The following IKZF1 variants were observed in gnomAD, a reference collection of about 807,000 sequenced individuals.
IKZF1 encodes DNA-binding protein Ikaros.
IKZF1 carries 10 observed loss-of-function variants against 51.7 expected under a neutral mutation model. That is an observed-to-expected ratio of 0.19 (90% confidence interval 0.12 to 0.33). IKZF1 has a LOEUF of 0.33. Ranked by LOEUF, IKZF1 falls within the 10% of genes least tolerant of loss-of-function variation. The pLI, the probability that IKZF1 is intolerant of heterozygous loss-of-function variation, is 1.00. For missense variants in IKZF1, 484 were observed against 707.5 expected, an observed-to-expected ratio of 0.68 and a Z score of 3.58; for synonymous variants, 280 against 282.3, an observed-to-expected ratio of 0.99 and a Z score of 0.08.
At chr7:50,387,213 C>T (rs1289040954) in intron 5 of IKZF1, 132 bp from the exon 6 acceptor site, 15 of 1,279,172 alleles carry the variant, frequency 1.2e-5, no homozygotes, top group Admixed American at 3.5e-5. Flanking sequence ...TCACCAAGTC[C>T]GTAACAGTTT....
At chr7:50,386,654 CATAAA>C (rs1313562325) in intron 5 of IKZF1, among the ~76,000 whole-genome samples, 5 of 151,502 alleles carry the variant, frequency 3.3e-5, no homozygotes, top group Non-Finnish European at 7.4e-5. Context: ...TATACATATA[CATAAA>C]ATAGAAATAC....
chr7:50,363,901 C>T lies in IKZF1; in HGVS notation c.161-12632C>T, dbSNP rs528633397. On this transcript the variant is annotated intron_variant, in intron 3 of 7. Transcript: ENST00000331340. ...CTAGCTCAGTCACCGGGTCAGGAAG[C>T]CCTGCCATGAAATGCTAGATTTGGA... Among the ~76,000 whole-genome samples, 34 of 152,302 alleles carry T rather than the reference C, an allele frequency of 2.2e-4. 1 individual carries two copies. The South Asian group carries it at 7.1e-3, about 32-fold the overall frequency.
intron 7 of IKZF1, among the ~76,000 whole-genome samples, chr7:50,393,014 A>G (rs1026318921): frequency 6.6e-6 from 1 of 152,218 alleles, no homozygotes; most frequent in African/African-American, 2.4e-5. Context: ...GGGACCCTTC[A>G]TTCAGTCAGC....
chr7:50,364,198 T>A lies in IKZF1; in HGVS notation c.161-12335T>A, dbSNP rs138433843. ...AAGTAGGTTTAGCCTCTCCCCAGAG[T>A]GACAACGGCACAAGAAGTTTATAAT... is the stretch of plus-strand genomic sequence containing the variant. On this transcript the variant is annotated intron_variant, in intron 3 of 7. Coordinates refer to ENST00000331340, the MANE Select transcript of IKZF1 (RefSeq NM_006060.6). Among the ~76,000 whole-genome samples the A allele has an allele frequency of 8.0e-3, 1,218 of 152,282 alleles. 5 individuals are homozygous for A. The highest frequency in any genetic ancestry group is 0.017 in the Middle Eastern group (5 of 294).
At chr7:50,342,647 CTTTT>C (rs1270027408) in intron 3 of IKZF1, among the ~76,000 whole-genome samples, 1 of 137,698 alleles carries the variant, frequency 7.3e-6, no homozygotes, top group South Asian at 2.3e-4. Context: ...GAAGGAAAGG[CTTTT>C]TTTTTTTTTT....
At chr7:50,322,259 T>C (rs953238798) in intron 2 of IKZF1, among the ~76,000 whole-genome samples, 5 of 152,240 alleles carry the variant, frequency 3.3e-5, no homozygotes, top group East Asian at 1.9e-4. Flanking sequence ...GATTATGTTA[T>C]AGATTATAAG....
rs1200839962 is a variant in IKZF1, at chr7:50,402,474, C to T, written c.*1847C>T. ...AACTCTCCAGACATCACCAACTGTCCCCTGCGAGGAGAAATCACTCCTGGG... is the reference window on the plus strand; with the variant it reads ...AACTCTCCAGACATCACCAACTGTCTCCTGCGAGGAGAAATCACTCCTGGG... On this transcript the variant is annotated 3_prime_UTR_variant, in exon 8 of 8. Coordinates refer to ENST00000331340, the MANE Select transcript of IKZF1 (RefSeq NM_006060.6). The T allele has an allele frequency of 3.0e-5, 7 of 231,300 alleles. No individual in the cohort carries two copies. Among genetic ancestry groups the T allele is most frequent in the Non-Finnish European group, 6.0e-5 (7 of 116,908 alleles). The allele number at this position is 231,300 out of a possible 1,614,324, so 14.3% of individuals were successfully genotyped here.
intron 3 of IKZF1, among the ~76,000 whole-genome samples, chr7:50,337,739 C>T (rs1156600701): frequency 6.6e-6 from 1 of 152,102 alleles, no homozygotes; most frequent in Non-Finnish European, 1.5e-5. Context: ...TTTGAGGCTG[C>T]ATCTGATGTT....
intron 7 of IKZF1, among the ~76,000 whole-genome samples, chr7:50,393,089 C>CA (rs1562896236): frequency 6.6e-6 from 1 of 151,920 alleles, no homozygotes; most frequent in African/African-American, 2.4e-5. Flanking sequence ...CAGCAAGTAC[C>CA]AAAAAATGAC....
intron 3 of IKZF1, among the ~76,000 whole-genome samples, chr7:50,346,484 G>A (rs971597184): frequency 2.6e-5 from 4 of 152,136 alleles, no homozygotes; most frequent in Middle Eastern, 3.2e-3. Context: ...TAAATAGCCC[G>A]TTCTCCTGGC....
At chr7:50,361,099 A>G (rs556327752) in intron 3 of IKZF1, among the ~76,000 whole-genome samples, 21 of 152,334 alleles carry the variant, frequency 1.4e-4, no homozygotes, top group African/African-American at 3.8e-4. Flanking sequence ...ATCCCTGACA[A>G]GAGCCTTCCT....
intron 1 of IKZF1, among the ~76,000 whole-genome samples, chr7:50,307,390 C>T (rs1232770404): frequency 6.6e-6 from 1 of 152,130 alleles, no homozygotes; most frequent in African/African-American, 2.4e-5. Context: ...AGGTAAACCA[C>T]GACCTTTTTG....
intron 3 of IKZF1, among the ~76,000 whole-genome samples, chr7:50,345,856 G>T (rs1240150161): frequency 6.6e-6 from 1 of 152,176 alleles, no homozygotes; most frequent in Admixed American, 6.5e-5. Context: ...TGGACCACAA[G>T]GTGAAACCTC....
intron 1 of IKZF1, among the ~76,000 whole-genome samples, chr7:50,317,226 C>G (rs1322258222): frequency 6.6e-6 from 1 of 152,208 alleles, no homozygotes; most frequent in East Asian, 1.9e-4. Flanking sequence ...GATTTAACTT[C>G]TGTATGCTTC....
At chr7:50,384,674 A>G (rs929878092) in intron 5 of IKZF1, among the ~76,000 whole-genome samples, 2 of 152,374 alleles carry the variant, frequency 1.3e-5, no homozygotes, top group South Asian at 2.1e-4. Flanking sequence ...AGCAAGGCCC[A>G]TGGAGGCCTC....
intron 7 of IKZF1, 28 bp downstream of exon 7, chr7:50,391,891 A>T (rs768950736): frequency 1.3e-5 from 21 of 1,571,408 alleles, no homozygotes; most frequent in Non-Finnish European, 1.7e-5. Context: ...GCTGTCTCTT[A>T]AAAAAAAACT....
intron 3 of IKZF1, among the ~76,000 whole-genome samples, chr7:50,359,359 A>G (rs1410205024): frequency 6.6e-6 from 1 of 152,248 alleles, no homozygotes; most frequent in African/African-American, 2.4e-5. Flanking sequence ...TGGAGGAAAC[A>G]TGAATTTCAT....
intron 3 of IKZF1, chr7:50,328,021 T>A: frequency 2.3e-6 from 1 of 427,494 alleles, no homozygotes; most frequent in South Asian, 3.2e-5. Context: ...GACGCGTCTC[T>A]GTCACTGTCC....
intron 2 of IKZF1, among the ~76,000 whole-genome samples, chr7:50,321,709 T>C (rs905356950): frequency 6.6e-6 from 1 of 152,146 alleles, no homozygotes; most frequent in Non-Finnish European, 1.5e-5. Flanking sequence ...AGAATGTTTA[T>C]ATAAGGAATA....
Sources: gnomAD v4.1 joint callset for allele counts (sites outside exome capture counted in the v4.1 genomes callset) on GRCh38, gnomAD v4.1.1 for gene constraint, MANE v1.5 for transcripts, NCBI Gene and HGNC (gene_info 2026-07-23, HGNC 2026-07-21) for gene names.